The following HSPA12A variants were observed in gnomAD, a reference collection of about 807,000 sequenced individuals.
HSPA12A encodes the protein heat shock protein family A (Hsp70) member 12A.
HSPA12A carries 28 observed loss-of-function variants against 69.2 expected under a neutral mutation model. The observed-to-expected ratio is 0.40, with a 90% CI of 0.30 to 0.55. The LOEUF is 0.55. HSPA12A is among the 20% of genes least tolerant of loss of function. The pLI, the probability that HSPA12A is intolerant of heterozygous loss-of-function variation, is 0.38. For missense variants in HSPA12A, 686 were observed against 900.7 expected (o/e 0.76, Z 3.05); for synonymous variants, 345 against 370.5 (o/e 0.93, Z 0.79).
At chr10:116,702,291 G>A (rs569591999) in intron 3 of HSPA12A, among the ~76,000 whole-genome samples, 7 of 152,172 alleles carry the variant, frequency 4.6e-5, no homozygotes, top group East Asian at 1.9e-4. Flanking sequence ...CTGGCCTGCC[G>A]CTGGCCATGT....
At chr10:116,699,975 T>A (rs1393823133) in intron 4 of HSPA12A, among the ~76,000 whole-genome samples, 3 of 152,212 alleles carry the variant, frequency 2.0e-5, no homozygotes, top group African/African-American at 7.2e-5. Context: ...ATGAAAGCAA[T>A]TAGAATAGGA....
At chr10:116,752,056 C>T (rs146952694) in intron 2 of HSPA12A, among the ~76,000 whole-genome samples, 3,268 of 152,262 alleles carry the variant, frequency 0.021, 52 homozygotes, top group Middle Eastern at 0.1. Flanking sequence ...AAAAATGGAC[C>T]GACACGTATG....
chr10:116,742,417 A>G lies in HSPA12A; in HGVS notation c.40+13T>C. The stretch of plus-strand genomic sequence containing the variant: ...CGCCAGCCGCGGCCGCAGGACCCGC[A>G]GCCTGCGCTCACCTCGGGGCCCGTC... On this transcript the variant is annotated intron_variant, in intron 1 of 11. Transcript: ENST00000369209. 1 of 1,434,996 alleles carries G rather than the reference A, an allele frequency of 7.0e-7. No homozygotes were observed. Among genetic ancestry groups the G allele is most frequent in the South Asian group, 1.3e-5 (1 of 75,400 alleles). 88.9% of individuals were successfully genotyped at this position (1,434,996 alleles called of 1,614,324 possible).
rs1276094013 is a variant in HSPA12A, at chr10:116,710,643, A to G, written c.41-3358T>C. Among the ~76,000 whole-genome samples the G allele has an allele frequency of 1.3e-5, 2 of 152,238 alleles. No homozygotes were observed. The highest frequency in any genetic ancestry group is 4.8e-5 in the African/African-American group (2 of 41,476). On this transcript the variant is annotated intron_variant, in intron 1 of 11. Transcript: ENST00000369209. The surrounding 1 kb of genome is among the most constrained non-coding windows in gnomAD (Gnocchi z 4.1). ...CAGCCGAACTTCATGGACTTTTTCC[A>G]TCAGAAGTTAAAATTCAGCTACACT...
In HSPA12A at chr10:116,723,616, G is replaced by C. The variant is rs1221644946; in HGVS notation, c.41-16331C>G. On this transcript the variant is annotated intron_variant, in intron 1 of 11. Transcript: ENST00000369209. The surrounding 1 kb of genome is among the most constrained non-coding windows in gnomAD (Gnocchi z 4.1). ...CATAAGGAAACTCCAGCACCGAGCT[G>C]GGTGAGGTTAGGTGCTCAGGAAGCA... Among the ~76,000 whole-genome samples, 1 of 152,206 alleles carries C rather than the reference G, an allele frequency of 6.6e-6. No homozygotes were observed. Among genetic ancestry groups the C allele is most frequent in the Non-Finnish European group, 1.5e-5 (1 of 68,038 alleles).
intron 2 of HSPA12A, among the ~76,000 whole-genome samples, chr10:116,759,824 T>A (rs1465532348): frequency 6.6e-6 from 1 of 152,036 alleles, no homozygotes; most frequent in African/African-American, 2.4e-5. Context: ...TGGGGCTGGG[T>A]CTTTCCCATG....
intron 2 of HSPA12A, among the ~76,000 whole-genome samples, chr10:116,793,017 A>C (rs1023767768): frequency 1.3e-5 from 2 of 152,210 alleles, no homozygotes; most frequent in African/African-American, 2.4e-5. Flanking sequence ...AGAATGGATG[A>C]TTCATTTGAT....
chr10:116,819,082 C>T (rs985922417), intron 2 of HSPA12A, among the ~76,000 whole-genome samples: 9 of 152,162 alleles, frequency 5.9e-5, no homozygotes, highest in Non-Finnish European at 7.3e-5. Flanking sequence ...AAACCCTTGA[C>T]TTTTCCTCTT....
At position 116,750,215 on chromosome 10, in the gene HSPA12A, G is replaced by C. The variant is rs1851743906; in HGVS notation, c.92-42930C>G. Reference sequence around the variant, plus strand: ...GGCACATTGTCCTGGCCTGCTGCTGGCCTGCAGGCTTCTCAATAGGTCTGG... The same window carrying C: ...GGCACATTGTCCTGGCCTGCTGCTGCCCTGCAGGCTTCTCAATAGGTCTGG... On this transcript the variant is annotated intron_variant, in intron 2 of 12. Transcript: ENST00000635765. 3 of 727,636 alleles carry C rather than the reference G, an allele frequency of 4.1e-6. No individual in the cohort carries two copies. The East Asian group carries it at 7.6e-5, about 18-fold the overall frequency. 45.1% of individuals were successfully genotyped at this position (727,636 alleles called of 1,614,324 possible).
intron 2 of HSPA12A, among the ~76,000 whole-genome samples, chr10:116,815,510 G>A (rs539977610): frequency 1.4e-4 from 21 of 152,332 alleles, no homozygotes; most frequent in African/African-American, 5.1e-4. Flanking sequence ...AGGACACGGA[G>A]ATGGCAGTGA....
chr10:116,819,263 C>G (rs754779225), intron 2 of HSPA12A, among the ~76,000 whole-genome samples: 9 of 152,174 alleles, frequency 5.9e-5, no homozygotes, highest in Non-Finnish European at 1.3e-4. Flanking sequence ...CTGGATGGCT[C>G]CACTTCTTAG....
chr10:116,730,627 G>T (rs1160121436), intron 1 of HSPA12A, among the ~76,000 whole-genome samples: 1 of 152,228 alleles, frequency 6.6e-6, no homozygotes, highest in Non-Finnish European at 1.5e-5. Context: ...GGTCCCTCAT[G>T]CCCCATTCCA....
chr10:116,744,625 A>G (rs1278898526), upstream of HSPA12A, among the ~76,000 whole-genome samples: 1 of 152,252 alleles, frequency 6.6e-6, no homozygotes, highest in Non-Finnish European at 1.5e-5. Context: ...AAGGCAGCGC[A>G]CACTCTGCCT....
At chr10:116,741,785 C>G (rs1269001277) in intron 1 of HSPA12A, among the ~76,000 whole-genome samples, 4 of 152,212 alleles carry the variant, frequency 2.6e-5, no homozygotes, top group Non-Finnish European at 5.9e-5. Context: ...CCCTGCCCCC[C>G]GCAAGGAAGG....
At chr10:116,726,835 C>T (rs1850979864) in intron 1 of HSPA12A, among the ~76,000 whole-genome samples, 1 of 152,224 alleles carries the variant, frequency 6.6e-6, no homozygotes, top group African/African-American at 2.4e-5. Flanking sequence ...CACACCTCCA[C>T]CCTCCAGCCT....
intron 1 of HSPA12A, among the ~76,000 whole-genome samples, chr10:116,711,471 T>C (rs953547486): frequency 1.3e-5 from 2 of 152,054 alleles, no homozygotes; most frequent in African/African-American, 2.4e-5. Context: ...TATCAAGAAA[T>C]GTGATCAAGG....
At chr10:116,796,163 A>AGAAAG (rs1554893391) in intron 2 of HSPA12A, among the ~76,000 whole-genome samples, 43 of 138,924 alleles carry the variant, frequency 3.1e-4, no homozygotes, top group African/African-American at 1.3e-3. Flanking sequence ...AAAAAAAAAA[A>AGAAAG]AAAGAAAGAA....
Position 116,674,425 on chromosome 10 carries a change from G to A in HSPA12A, c.*356C>T, listed in dbSNP as rs1849165070. 1 of 215,050 alleles carries A rather than the reference G, an allele frequency of 4.7e-6. No homozygotes were observed. The highest frequency in any genetic ancestry group is 5.1e-5 in the Admixed American group (1 of 19,576). The allele number at this position is 215,050 out of a possible 1,614,324, so 13.3% of individuals were successfully genotyped here. On this transcript the variant is annotated 3_prime_UTR_variant, in exon 12 of 12. Coordinates refer to ENST00000369209, the MANE Select transcript of HSPA12A (RefSeq NM_025015.3). ...TTTAAATCTAGAAAGACAGCAATAG[G>A]GCATCCTAAATTCTACATAACGGAG...
At chr10:116,787,975 G>A (rs1353212482) in intron 2 of HSPA12A, among the ~76,000 whole-genome samples, 2 of 152,150 alleles carry the variant, frequency 1.3e-5, no homozygotes, top group African/African-American at 4.8e-5. Context: ...CTGAGGGTCG[G>A]GGATAGGAGG....
Sources: gnomAD v4.1 joint callset for allele counts (sites outside exome capture counted in the v4.1 genomes callset) on GRCh38, gnomAD v4.1.1 for gene constraint, Gnocchi (gnomAD v3.1) non-coding constraint, MANE v1.5 for transcripts, NCBI Gene and HGNC (gene_info 2026-07-23, HGNC 2026-07-21) for gene names.